RORA: variants seen among roughly 807,000 people sequenced by gnomAD.
The protein encoded by RORA is RAR related orphan receptor A.
Under a neutral mutation model 69.5 loss-of-function variants are expected in RORA, and 7 were observed. The observed-to-expected ratio is 0.10, with a 90% CI of 0.06 to 0.19. RORA has a LOEUF of 0.19. Ranked by LOEUF, RORA falls within the 10% of genes least tolerant of loss-of-function variation. The pLI is 1.00. For synonymous variants in RORA, 261 were observed against 240.8 expected, an observed-to-expected ratio of 1.08 and a Z score of -0.78; for missense variants, 457 against 663.0, an observed-to-expected ratio of 0.69 and a Z score of 3.41.
At chr15:60,917,193 T>C (rs1891899899) in intron 1 of RORA, among the ~76,000 whole-genome samples, 1 of 152,226 alleles carries the variant, frequency 6.6e-6, no homozygotes, top group African/African-American at 2.4e-5. Flanking sequence ...GAAAATGTCA[T>C]GCATTTTCAA....
chr15:61,102,548 C>A (rs1364473804), intron 1 of RORA, among the ~76,000 whole-genome samples: 1 of 152,154 alleles, frequency 6.6e-6, no homozygotes. Flanking sequence ...CTTTGATATC[C>A]AATTTCCTTT....
At chr15:60,598,955 G>A (rs1003581911) in intron 2 of RORA, among the ~76,000 whole-genome samples, 2 of 152,178 alleles carry the variant, frequency 1.3e-5, no homozygotes, top group Non-Finnish European at 2.9e-5. Context: ...CTAGTATGTC[G>A]AGAGGAAAGG....
chr15:60,592,463 C>G (rs1236542636), intron 2 of RORA: 2 of 1,383,112 alleles, frequency 1.4e-6, no homozygotes, highest in Admixed American at 6.2e-5. Flanking sequence ...TGGTCCGACC[C>G]CGGAGCCCCC....
At chr15:60,940,488 G>A (rs1402260113) in intron 1 of RORA, among the ~76,000 whole-genome samples, 1 of 152,204 alleles carries the variant, frequency 6.6e-6, no homozygotes, top group Non-Finnish European at 1.5e-5. Context: ...GTGGAAGCCA[G>A]AGGCCAGGTT....
At chr15:61,205,170 G>A (rs1471728965) in intron 1 of RORA, among the ~76,000 whole-genome samples, 1 of 152,146 alleles carries the variant, frequency 6.6e-6, no homozygotes, top group Non-Finnish European at 1.5e-5. Flanking sequence ...CTTTTCTTGT[G>A]TGGACAGCAT....
intron 1 of RORA, among the ~76,000 whole-genome samples, chr15:61,118,690 C>T (rs931200962): frequency 6.6e-6 from 1 of 152,074 alleles, no homozygotes; most frequent in African/African-American, 2.4e-5. Context: ...GGTGGGGGAT[C>T]GCGTTTTCCT....
intron 1 of RORA, among the ~76,000 whole-genome samples, chr15:60,713,452 C>T (rs1234965741): frequency 1.3e-5 from 2 of 152,122 alleles, no homozygotes; most frequent in Admixed American, 1.3e-4. Flanking sequence ...TCAGAGAACA[C>T]TGAATGGATA....
chr15:60,562,784 C>T (rs2067608716), intron 2 of RORA, among the ~76,000 whole-genome samples: 1 of 151,912 alleles, frequency 6.6e-6, no homozygotes, highest in African/African-American at 2.4e-5. Context: ...GCTATGTTGC[C>T]CAGGCTGCTC....
chr15:60,775,968 G>A (rs2072160255), intron 1 of RORA, among the ~76,000 whole-genome samples: 1 of 152,216 alleles, frequency 6.6e-6, no homozygotes, highest in African/African-American at 2.4e-5. Flanking sequence ...ATCCCTAAGT[G>A]CCAGAGGAGG....
chr15:61,036,394 G>A (rs1041046234), intron 1 of RORA, among the ~76,000 whole-genome samples: 3 of 152,148 alleles, frequency 2.0e-5, no homozygotes, highest in African/African-American at 7.2e-5. Flanking sequence ...AAAGCACAAA[G>A]CAGGATATGT....
At chr15:60,661,084 T>A (rs2070297088) in intron 2 of RORA, among the ~76,000 whole-genome samples, 1 of 135,816 alleles carries the variant, frequency 7.4e-6, no homozygotes, top group Non-Finnish European at 1.5e-5. Flanking sequence ...AGGAGTTATT[T>A]TTTTTTTTTT....
At chr15:60,530,116 A>T (rs2066484992) in intron 3 of RORA, 2 of 152,254 alleles carry the variant, frequency 1.3e-5, no homozygotes, top group Admixed American at 1.3e-4. Context: ...AGGGACACAG[A>T]TTTGGGAGGC....
At position 60,984,788 on chromosome 15, in the gene RORA, G is replaced by A. The variant is rs560044406; in HGVS notation, c.166+244265C>T. Among the ~76,000 whole-genome samples the A allele has an allele frequency of 4.8e-5, 7 of 144,342 alleles. No individual in the cohort carries two copies. The South Asian group carries it at 1.1e-3, about 23-fold the overall frequency. The allele number at this position is 144,342 out of a possible 152,430, so 94.7% of individuals were successfully genotyped here. Reference sequence around the variant, plus strand: ...GTTTAATAATAATAAGCCTGGGCTTGGACTACATATGTCTTTTTTTTTTTT... The same window carrying A: ...GTTTAATAATAATAAGCCTGGGCTTAGACTACATATGTCTTTTTTTTTTTT... On this transcript the variant is annotated intron_variant, in intron 1 of 10. Transcript: ENST00000335670.
intron 1 of RORA, among the ~76,000 whole-genome samples, chr15:60,835,649 G>A (rs2073105609): frequency 6.6e-6 from 1 of 152,210 alleles, no homozygotes; most frequent in Non-Finnish European, 1.5e-5. Flanking sequence ...TACAGGTGAA[G>A]AGTCTGAGGA....
At chr15:60,980,729 T>C (rs545521753) in intron 1 of RORA, among the ~76,000 whole-genome samples, 2 of 152,148 alleles carry the variant, frequency 1.3e-5, no homozygotes, top group African/African-American at 4.8e-5. Flanking sequence ...GTAATGCCCT[T>C]CTCTCATTTT....
intron 1 of RORA, among the ~76,000 whole-genome samples, chr15:61,051,070 C>G (rs1234977564): frequency 1.3e-5 from 2 of 152,136 alleles, no homozygotes; most frequent in African/African-American, 2.4e-5. Context: ...GACTCAACAA[C>G]CACACAACGT....
chr15:60,692,708 C>G (rs79339239), intron 1 of RORA, among the ~76,000 whole-genome samples: 107 of 152,314 alleles, frequency 7.0e-4, no homozygotes, highest in African/African-American at 2.5e-3. Flanking sequence ...TGTTGCCCCT[C>G]TTTGCATTCA....
At chr15:60,619,211 A>C (rs1181595702) in intron 2 of RORA, among the ~76,000 whole-genome samples, 2 of 152,254 alleles carry the variant, frequency 1.3e-5, no homozygotes, top group African/African-American at 4.8e-5. Flanking sequence ...TTCGAGTTAA[A>C]GCATGATCGT....
chr15:61,141,220 T>A (rs1045435678), intron 1 of RORA, among the ~76,000 whole-genome samples: 2 of 152,210 alleles, frequency 1.3e-5, no homozygotes, highest in Non-Finnish European at 1.5e-5. Flanking sequence ...TAATGCAATA[T>A]CCCATAGATT....
Sources: gnomAD v4.1 joint callset for allele counts (sites outside exome capture counted in the v4.1 genomes callset) on GRCh38, gnomAD v4.1.1 for gene constraint, MANE v1.5 for transcripts, NCBI Gene and HGNC (gene_info 2026-07-23, HGNC 2026-07-21) for gene names.